PALM2AKAP2: variants seen among roughly 807,000 people sequenced by gnomAD.
PALM2AKAP2 encodes the protein PALM2-AKAP2 fusion protein.
PALM2AKAP2 carries 37 observed loss-of-function variants against 71.5 expected under a neutral mutation model. The observed-to-expected ratio is 0.52, with a 90% confidence interval of 0.40 to 0.68. PALM2AKAP2 has a LOEUF of 0.68. Ranked by LOEUF, PALM2AKAP2 falls within the 30% of genes least tolerant of loss-of-function variation. The pLI is 0.00. For synonymous variants in PALM2AKAP2, 468 were observed against 478.8 expected, an observed-to-expected ratio of 0.98 and a Z score of 0.29; for missense variants, 1,224 against 1,191.8, an observed-to-expected ratio of 1.03 and a Z score of -0.40.
intron 1 of PALM2AKAP2, among the ~76,000 whole-genome samples, chr9:109,840,742 A>T: frequency 6.6e-6 from 1 of 152,376 alleles, no homozygotes; most frequent in East Asian, 1.9e-4. Context: ...GAAGACATTT[A>T]TGCAGCCAAA....
intron 1 of PALM2AKAP2, among the ~76,000 whole-genome samples, chr9:110,135,525 T>G (rs183307854): frequency 2.0e-5 from 3 of 152,178 alleles, no homozygotes; most frequent in South Asian, 2.1e-4. Flanking sequence ...CTAAAGAGTA[T>G]TATTTTGATG....
chr9:110,041,923 A>G (rs888850322), intron 7 of PALM2AKAP2, among the ~76,000 whole-genome samples: 2 of 152,156 alleles, frequency 1.3e-5, no homozygotes, highest in Non-Finnish European at 2.9e-5. Context: ...TTTTCCAGCT[A>G]CTCCCAATGT....
chr9:109,689,738 A>T (rs150964852), intron 1 of PALM2AKAP2, among the ~76,000 whole-genome samples: 2,078 of 152,254 alleles, frequency 0.014, 36 homozygotes, highest in Non-Finnish European at 0.015. Flanking sequence ...CCTGGGGAGG[A>T]CCTACCTTTC....
chr9:109,746,428 A>G (rs1408116488), intron 1 of PALM2AKAP2, among the ~76,000 whole-genome samples: 1 of 152,218 alleles, frequency 6.6e-6, no homozygotes, highest in Non-Finnish European at 1.5e-5. Flanking sequence ...CCCCAAATAA[A>G]TGGAAGAAAT....
At chr9:109,691,883 TATATATATATATATATATACACACACAC>T (rs1484362966) in intron 1 of PALM2AKAP2, among the ~76,000 whole-genome samples, 12 of 46,600 alleles carry the variant, frequency 2.6e-4, no homozygotes, top group Admixed American at 6.4e-4. Flanking sequence ...CACACACACA[TATATATATATATATATATACACACACAC>T]ATATATATAT....
At chr9:110,075,182 C>G (rs974008480) in intron 1 of PALM2AKAP2, among the ~76,000 whole-genome samples, 7 of 152,152 alleles carry the variant, frequency 4.6e-5, no homozygotes, top group African/African-American at 1.7e-4. Flanking sequence ...CACCCCTACT[C>G]TTTTACCTGT....
chr9:109,640,875 C>T (rs1215914311), intron 1 of PALM2AKAP2: 3 of 1,517,004 alleles, frequency 2.0e-6, no homozygotes, highest in Non-Finnish European at 2.6e-6. Context: ...GAGTGAGTAT[C>T]CCCGAGCCGC....
At chr9:110,165,699 T>A (rs1243364684) in intron 3 of PALM2AKAP2, among the ~76,000 whole-genome samples, 1 of 152,206 alleles carries the variant, frequency 6.6e-6, no homozygotes, top group Admixed American at 6.5e-5. Flanking sequence ...ACTAAACGTT[T>A]CCATAATTAT....
intron 1 of PALM2AKAP2, among the ~76,000 whole-genome samples, chr9:109,696,678 C>T (rs138909873): frequency 2.1e-3 from 327 of 152,216 alleles, no homozygotes; most frequent in African/African-American, 7.4e-3. Context: ...GACCTAATAT[C>T]CAATGTGGTG....
chr9:110,020,849 C>T (rs1833061759), intron 7 of PALM2AKAP2, among the ~76,000 whole-genome samples: 1 of 151,898 alleles, frequency 6.6e-6, no homozygotes, highest in African/African-American at 2.4e-5. Flanking sequence ...TTGGCTCATG[C>T]CTGTAATCCA....
chr9:109,793,387 T>C (rs1163904744), intron 1 of PALM2AKAP2, among the ~76,000 whole-genome samples: 1 of 152,228 alleles, frequency 6.6e-6, no homozygotes, highest in Non-Finnish European at 1.5e-5. Context: ...ATTGGAATGC[T>C]AGCCTTCAGC....
intron 6 of PALM2AKAP2, among the ~76,000 whole-genome samples, chr9:110,007,739 G>T (rs1030326709): frequency 6.6e-6 from 1 of 152,142 alleles, no homozygotes; most frequent in African/African-American, 2.4e-5. Context: ...CTCACGAAAG[G>T]CTAATAATTG....
chr9:109,750,293 C>G (rs1828866335), intron 1 of PALM2AKAP2, among the ~76,000 whole-genome samples: 1 of 152,116 alleles, frequency 6.6e-6, no homozygotes, highest in Non-Finnish European at 1.5e-5. Flanking sequence ...GGCACATGGC[C>G]AATTTCAATA....
intron 1 of PALM2AKAP2, among the ~76,000 whole-genome samples, chr9:110,058,897 G>GTT (rs1833901361): frequency 4.4e-5 from 5 of 113,450 alleles, no homozygotes; most frequent in African/African-American, 1.1e-4. Flanking sequence ...AAAGTTTTTT[G>GTT]GTTTTTTTTT....
At chr9:109,706,941 G>A (rs765671039) in intron 1 of PALM2AKAP2, among the ~76,000 whole-genome samples, 9 of 152,146 alleles carry the variant, frequency 5.9e-5, no homozygotes, top group African/African-American at 1.9e-4. Context: ...GGTATTTTGG[G>A]TGATAAAAAT....
chr9:109,718,736 G>A (rs1265535387), intron 1 of PALM2AKAP2, among the ~76,000 whole-genome samples: 1 of 152,080 alleles, frequency 6.6e-6, no homozygotes, highest in African/African-American at 2.4e-5. Flanking sequence ...ACTTCTAAAT[G>A]TGCTTCTAAA....
intron 1 of PALM2AKAP2, among the ~76,000 whole-genome samples, chr9:109,865,707 G>A (rs1156589904): frequency 6.6e-6 from 1 of 152,194 alleles, no homozygotes; most frequent in African/African-American, 2.4e-5. Context: ...TGAGTCATCA[G>A]CCTCTCATAT....
chr9:109,738,927 G>A (rs905676205), intron 1 of PALM2AKAP2, among the ~76,000 whole-genome samples: 3 of 152,178 alleles, frequency 2.0e-5, no homozygotes, highest in Admixed American at 6.5e-5. Flanking sequence ...GAGCCCAAAG[G>A]TTCAAAAATT....
intron 1 of PALM2AKAP2, among the ~76,000 whole-genome samples, chr9:109,768,036 A>AGGC (rs879480476): frequency 8.9e-6 from 1 of 112,594 alleles, no homozygotes; most frequent in African/African-American, 4.4e-5. Flanking sequence ...AAGGAAAGAA[A>AGGC]AAGAGGGAAG....
Sources: gnomAD v4.1 joint callset for allele counts (sites outside exome capture counted in the v4.1 genomes callset) on GRCh38, gnomAD v4.1.1 for gene constraint, MANE v1.5 for transcripts, NCBI Gene and HGNC (gene_info 2026-07-23, HGNC 2026-07-21) for gene names.